The following ADAMTSL1 variants were observed in gnomAD, a reference collection of about 807,000 sequenced individuals.
The protein encoded by ADAMTSL1 is ADAMTS like 1, also known as ADAMTS-like protein 1.
A neutral mutation model predicts 201.8 loss-of-function variants in ADAMTSL1; 126 were observed. That is an observed-to-expected ratio of 0.62 (90% confidence interval 0.54 to 0.72). The LOEUF (loss-of-function observed/expected upper bound fraction) is 0.72, where lower values mean the gene tolerates loss of function less well. Ranked by LOEUF, ADAMTSL1 falls within the 30% of genes least tolerant of loss-of-function variation. The probability of loss-of-function intolerance (pLI) is 0.00; values close to 1 mark genes in which losing one functional copy is unlikely to be tolerated. For synonymous variants in ADAMTSL1, 1,121 were observed against 903.4 expected, an observed-to-expected ratio of 1.24 and a Z score of -4.32; for missense variants, 2,679 against 2,277.8, an observed-to-expected ratio of 1.18 and a Z score of -3.59.
intron 23 of ADAMTSL1, among the ~76,000 whole-genome samples, chr9:18,887,089 T>A (rs1828946148): frequency 6.6e-6 from 1 of 152,226 alleles, no homozygotes; most frequent in Non-Finnish European, 1.5e-5. Flanking sequence ...CTGTGGAAGG[T>A]AAGTTGCTGG....
At chr9:18,406,919 G>A (rs1818230729) in intron 2 of ADAMTSL1, among the ~76,000 whole-genome samples, 1 of 152,158 alleles carries the variant, frequency 6.6e-6, no homozygotes, top group Non-Finnish European at 1.5e-5. Context: ...TGCTTCTCAA[G>A]GAGGTTGTGA....
intron 2 of ADAMTSL1, among the ~76,000 whole-genome samples, chr9:18,216,451 A>G (rs1390503169): frequency 6.6e-6 from 1 of 152,182 alleles, no homozygotes; most frequent in Non-Finnish European, 1.5e-5. Context: ...AAAGAAACAC[A>G]GATGAAAGAT....
intron 2 of ADAMTSL1, among the ~76,000 whole-genome samples, chr9:18,338,320 G>T (rs931926900): frequency 6.6e-6 from 1 of 151,992 alleles, no homozygotes; most frequent in Non-Finnish European, 1.5e-5. Context: ...TCCACCTTCG[G>T]CCCCTTTCCT....
chr9:17,928,959 C>G (rs571574887), intron 1 of ADAMTSL1, among the ~76,000 whole-genome samples: 21 of 152,134 alleles, frequency 1.4e-4, no homozygotes, highest in Admixed American at 3.3e-4. Flanking sequence ...AATTACACGA[C>G]TATGGACAAA....
intron 3 of ADAMTSL1, among the ~76,000 whole-genome samples, chr9:18,560,931 G>T (rs537583344): frequency 9.7e-5 from 10 of 103,614 alleles, no homozygotes; most frequent in Non-Finnish European, 1.9e-4. Flanking sequence ...GCTCTATTTC[G>T]TTAATCTTTA....
chr9:18,731,525 A>G (rs903609675), intron 15 of ADAMTSL1, among the ~76,000 whole-genome samples: 1 of 151,924 alleles, frequency 6.6e-6, no homozygotes, highest in African/African-American at 2.4e-5. Context: ...CAGCTACTCA[A>G]GAGACCGAGG....
At chr9:18,045,836 C>T (rs1426278079) in intron 1 of ADAMTSL1, among the ~76,000 whole-genome samples, 1 of 151,918 alleles carries the variant, frequency 6.6e-6, no homozygotes, top group Non-Finnish European at 1.5e-5. Flanking sequence ...AGTGACACAA[C>T]AAAGTTCCAA....
At chr9:18,786,553 A>G (rs1327936720) in intron 19 of ADAMTSL1, among the ~76,000 whole-genome samples, 1 of 152,224 alleles carries the variant, frequency 6.6e-6, no homozygotes, top group Non-Finnish European at 1.5e-5. Context: ...AACAGAAATA[A>G]TGTCTGTAAC....
chr9:18,852,848 C>T (rs144056835), intron 23 of ADAMTSL1, among the ~76,000 whole-genome samples: 2,051 of 152,212 alleles, frequency 0.013, 44 homozygotes, highest in South Asian at 0.09. Context: ...CTGTAAAGTA[C>T]GCTATAAAAC....
intron 2 of ADAMTSL1, among the ~76,000 whole-genome samples, chr9:18,444,567 G>A (rs1820117847): frequency 6.6e-6 from 1 of 152,084 alleles, no homozygotes; most frequent in Admixed American, 6.6e-5. Flanking sequence ...TTGAAGATTG[G>A]CCTCAAGCAG....
intron 2 of ADAMTSL1, among the ~76,000 whole-genome samples, chr9:18,431,896 T>TC (rs1819508924): frequency 6.6e-6 from 1 of 152,220 alleles, no homozygotes; most frequent in East Asian, 1.9e-4. Context: ...GGGTTGTTTT[T>TC]TAAATTCATG....
At chr9:17,972,242 C>A (rs2131430488) in intron 1 of ADAMTSL1, among the ~76,000 whole-genome samples, 1 of 136,936 alleles carries the variant, frequency 7.3e-6, no homozygotes, top group South Asian at 2.5e-4. Flanking sequence ...ATACATGTGC[C>A]ATGTTGGTGT....
chr9:18,339,048 T>C (rs186508599), intron 2 of ADAMTSL1, among the ~76,000 whole-genome samples: 261 of 152,276 alleles, frequency 1.7e-3, no homozygotes, highest in Non-Finnish European at 1.4e-3. Flanking sequence ...GTTAATTCCA[T>C]GTCTTTGCTA....
chr9:17,965,217 A>AT (rs1257964187), intron 1 of ADAMTSL1, among the ~76,000 whole-genome samples: 1 of 152,132 alleles, frequency 6.6e-6, no homozygotes, highest in Non-Finnish European at 1.5e-5. Flanking sequence ...AAGAGTTTCA[A>AT]TTTTTTTCCT....
At chr9:18,904,790 T>C (rs1423044408) in intron 26 of ADAMTSL1, among the ~76,000 whole-genome samples, 1 of 146,170 alleles carries the variant, frequency 6.8e-6, no homozygotes, top group Non-Finnish European at 1.5e-5. Context: ...TGAATAATAG[T>C]GTCAAACTGG....
rs569134502 is a variant in ADAMTSL1, at chr9:18,711,101, T to C, written c.1876+4053T>C. On this transcript the variant is annotated intron_variant, in intron 14 of 28. Coordinates refer to ENST00000380548, the MANE Select transcript of ADAMTSL1 (RefSeq NM_001040272.6). ...ACAGCTGCAGAAGCCTGAAAATGAT[T>C]TACAAAAATTGTTACATCATTAAAA... Among the ~76,000 whole-genome samples, 3 of 152,312 alleles carry C rather than the reference T, an allele frequency of 2.0e-5. No homozygotes were observed. In the South Asian group the frequency reaches 6.2e-4, roughly 32 times the overall value.
At chr9:18,318,985 G>C (rs1317056131) in intron 2 of ADAMTSL1, among the ~76,000 whole-genome samples, 1 of 152,180 alleles carries the variant, frequency 6.6e-6, no homozygotes, top group Non-Finnish European at 1.5e-5. Context: ...AAGGTGGGAG[G>C]ATGGCACGAA....
intron 2 of ADAMTSL1, among the ~76,000 whole-genome samples, chr9:18,319,085 G>A (rs998014176): frequency 4.6e-5 from 7 of 151,988 alleles, no homozygotes; most frequent in African/African-American, 1.2e-4. Flanking sequence ...GTAGTGGCAC[G>A]CCTGTACTGT....
At chr9:18,183,539 G>T (rs996843092) in intron 2 of ADAMTSL1, among the ~76,000 whole-genome samples, 1 of 152,088 alleles carries the variant, frequency 6.6e-6, no homozygotes, top group African/African-American at 2.4e-5. Context: ...AAACAATCCA[G>T]TTCAAAAATG....
Sources: allele counts gnomAD v4.1 joint callset (sites outside exome capture counted in the v4.1 genomes callset), GRCh38; gene constraint gnomAD v4.1.1; transcripts MANE v1.5; gene names NCBI Gene and HGNC (gene_info 2026-07-23, HGNC 2026-07-21).